The following STK40 variants were observed in gnomAD, a reference collection of about 807,000 sequenced individuals.
STK40 encodes serine/threonine kinase 40.
In STK40, 13 loss-of-function variants were observed where a neutral mutation model predicts 47.9. The observed-to-expected ratio is 0.27, with a 90% CI of 0.18 to 0.43. The LOEUF (loss-of-function observed/expected upper bound fraction) is 0.43. Among genes scored for constraint, STK40 ranks in the 20% least tolerant of loss-of-function variants. The pLI is 1.00. For synonymous variants in STK40, 225 were observed against 243.2 expected, an observed-to-expected ratio of 0.93 and a Z score of 0.69; for missense variants, 460 against 595.1, an observed-to-expected ratio of 0.77 and a Z score of 2.36.
chr1:36,361,471 C>T, intron 1 of STK40, 131 bp from the exon 2 acceptor site: 1 of 1,471,100 alleles, frequency 6.8e-7, no homozygotes, highest in Non-Finnish European at 9.0e-7. Context: ...CTCCTGCTAC[C>T]AGGGGAGCAT....
rs754172776 is a variant in STK40 at position 36,341,986 on chromosome 1, G to A, written c.1090-13C>T. 7 of 1,606,038 alleles carry A rather than the reference G, an allele frequency of 4.4e-6. No homozygotes were observed. The highest frequency in any genetic ancestry group is 4.0e-5 in the African/African-American group (3 of 74,780). ...CCGTCACCTTCGCCTTTGAGGCGGG[G>A]AGGGTGGGAAGGAGACAAAGATAAA... On this transcript the variant is annotated splice_polypyrimidine_tract_variant and intron_variant, in intron 10 of 10. Transcript: ENST00000373132.
In STK40 at chr1:36,346,215, C is replaced by T. The variant is rs189069141; in HGVS notation, c.740-1951G>A. Among the ~76,000 whole-genome samples, 709 of 151,652 alleles carry T rather than the reference C, an allele frequency of 4.7e-3. 7 individuals carry two copies. The highest frequency in any genetic ancestry group is 0.016 in the African/African-American group (676 of 41,314). On this transcript the variant is annotated intron_variant, in intron 7 of 10. Transcript: ENST00000373132. Reference sequence around the variant, plus strand: ...TTCACTGAGTTAACGAGGATGGTCTCGATCTCCTGACCTCGTGATTTGCCC... The same window carrying T: ...TTCACTGAGTTAACGAGGATGGTCTTGATCTCCTGACCTCGTGATTTGCCC...
At chr1:36,352,465 G>A (rs10796882) in intron 6 of STK40, among the ~76,000 whole-genome samples, 100,821 of 151,870 alleles carry the variant, frequency 0.66, 34,303 homozygotes, top group Middle Eastern at 0.79. Context: ...AATTCAATCA[G>A]TAAGTACCCA....
chr1:36,375,227 C>A (rs1646981172), intron 1 of STK40, among the ~76,000 whole-genome samples: 1 of 152,142 alleles, frequency 6.6e-6, no homozygotes, highest in South Asian at 2.1e-4. Flanking sequence ...CGTTTCCTGG[C>A]CAGGTGTGAT....
intron 7 of STK40, among the ~76,000 whole-genome samples, chr1:36,347,106 C>G (rs992893856): frequency 6.6e-6 from 1 of 152,144 alleles, no homozygotes; most frequent in Non-Finnish European, 1.5e-5. Context: ...GGGGACAGGC[C>G]TGGCTCTCCA....
At chr1:36,347,468 C>A (rs1240065349) in intron 7 of STK40, among the ~76,000 whole-genome samples, 2 of 152,168 alleles carry the variant, frequency 1.3e-5, no homozygotes, top group Non-Finnish European at 1.5e-5. Flanking sequence ...TTATTAGCTA[C>A]GACTTTGGAC....
In STK40 at chr1:36,385,902, C is replaced by T. The variant is rs557673569; in HGVS notation, c.-188G>A. The T allele has an allele frequency of 2.5e-3, 408 of 165,098 alleles. 4 individuals are homozygous for T. Among genetic ancestry groups the T allele is most frequent in the African/African-American group, 9.0e-3 (376 of 41,634 alleles). 10.2% of individuals were successfully genotyped at this position (165,098 alleles called of 1,614,324 possible). A position where few individuals can be genotyped will look rare whatever the true frequency, so the allele number is the denominator to read the frequency against. On this transcript the variant is annotated 5_prime_UTR_variant, in exon 1 of 11. Transcript: ENST00000373132. ...CCGCCGCCTCCCTCCATGGCTGCGG[C>T]GCCGCCACCTGACAACGGAAGTGAC...
At chr1:36,372,345 G>A (rs1646955223) in intron 1 of STK40, among the ~76,000 whole-genome samples, 1 of 147,666 alleles carries the variant, frequency 6.8e-6, no homozygotes, top group Non-Finnish European at 1.5e-5. Flanking sequence ...TTGGAGGACT[G>A]CTTGAGCGCA....
rs566637424 is a variant in STK40 at position 36,368,817 on chromosome 1, AGTATT to A, written c.-8-7482_-8-7478del. Among the ~76,000 whole-genome samples, 5 of 152,380 alleles carry A rather than the reference AGTATT, an allele frequency of 3.3e-5. No homozygotes were observed. In the South Asian group the frequency reaches 1.0e-3, roughly 32 times the overall value. Reference sequence around the variant, plus strand: ...GAATATAGACTGTTTATTAGATAATAGTATTGTATCAGTTAAATTTCCTGAACTTG... The same window carrying A: ...GAATATAGACTGTTTATTAGATAATAGTATCAGTTAAATTTCCTGAACTTG... On this transcript the variant is annotated intron_variant, in intron 1 of 10. Coordinates refer to ENST00000373132, the MANE Select transcript of STK40 (RefSeq NM_001282547.2).
chr1:36,360,517 T>C (rs573509360), intron 2 of STK40, among the ~76,000 whole-genome samples: 1 of 143,844 alleles, frequency 7.0e-6, no homozygotes, highest in Non-Finnish European at 1.5e-5. Flanking sequence ...TTCATTTTAT[T>C]TTATTTTATT....
chr1:36,377,872 C>CACCTAACCTCA (rs1647005256), intron 1 of STK40, among the ~76,000 whole-genome samples: 1 of 152,176 alleles, frequency 6.6e-6, no homozygotes, highest in African/African-American at 2.4e-5. Flanking sequence ...CTGGAGCTGG[C>CACCTAACCTCA]CCCTGGGTCC....
intron 7 of STK40, among the ~76,000 whole-genome samples, chr1:36,346,645 C>A (rs1316178031): frequency 1.3e-5 from 2 of 152,258 alleles, no homozygotes; most frequent in African/African-American, 4.8e-5. Context: ...GAACCCAGGT[C>A]TCTGGTCTCC....
intron 1 of STK40, among the ~76,000 whole-genome samples, chr1:36,368,562 AT>A (rs1036982034): frequency 4.6e-5 from 7 of 151,576 alleles, no homozygotes; most frequent in South Asian, 2.1e-4. Context: ...TACTCATGCT[AT>A]TTTTTTTTCC....
In STK40 at chr1:36,344,088, GC is replaced by G. The variant is rs749090195; in HGVS notation, c.884+31del. On this transcript the variant is annotated intron_variant, in intron 8 of 10. Coordinates refer to ENST00000373132, the MANE Select transcript of STK40 (RefSeq NM_001282547.2). ...CTGCCTTAAGCCCATCAGGCTGGCTGCCCCCCCCACCCCCCGGGAGGCAGGA... is the reference window on the plus strand; with the variant it reads ...CTGCCTTAAGCCCATCAGGCTGGCTGCCCCCCCACCCCCCGGGAGGCAGGA... The G allele has an allele frequency of 1.1e-4, 180 of 1,575,792 alleles. No individual in the cohort carries two copies. The East Asian group carries it at 1.5e-3, about 13-fold the overall frequency.
intron 3 of STK40, 46 bp downstream of exon 3, chr1:36,358,691 G>T: frequency 6.3e-7 from 1 of 1,598,924 alleles, no homozygotes; most frequent in Non-Finnish European, 8.6e-7. Context: ...GGGTTGGCAT[G>T]ACAGGCCCTG....
At chr1:36,357,152 C>T (rs1015139537) in intron 4 of STK40, among the ~76,000 whole-genome samples, 1 of 152,202 alleles carries the variant, frequency 6.6e-6, no homozygotes, top group East Asian at 1.9e-4. Flanking sequence ...TCTCATTCAT[C>T]GTCCCAACCA....
intron 1 of STK40, chr1:36,362,582 T>C (rs1646862508): frequency 6.6e-6 from 1 of 152,208 alleles, no homozygotes; most frequent in African/African-American, 2.4e-5. Flanking sequence ...CCTTTACCCT[T>C]CCATAATGGA....
Position 36,381,933 on chromosome 1 carries a change from G to A in STK40, c.-9+3790C>T, listed in dbSNP as rs147766197. On this transcript the variant is annotated intron_variant, in intron 1 of 10. Transcript: ENST00000373132. Reference sequence around the variant, plus strand: ...AACTGTGCACATGTTAACTGGTTAGGAGCCTGCCCCTAGATCACAACCTCC... The same window carrying A: ...AACTGTGCACATGTTAACTGGTTAGAAGCCTGCCCCTAGATCACAACCTCC... 2.0e-3 allele frequency among the ~76,000 whole-genome samples: 301 copies of A among 152,128 alleles called. 1 individual carries two copies. The highest frequency in any genetic ancestry group is 3.7e-3 in the Admixed American group (56 of 15,292).
chr1:36,362,753 T>C (rs1646863742), intron 1 of STK40: 1 of 152,248 alleles, frequency 6.6e-6, no homozygotes, highest in African/African-American at 2.4e-5. Flanking sequence ...CATTCAAGCA[T>C]GTTTTTCCTG....
Sources: allele counts gnomAD v4.1 joint callset (sites outside exome capture counted in the v4.1 genomes callset), GRCh38; gene constraint gnomAD v4.1.1; transcripts MANE v1.5; gene names NCBI Gene and HGNC (gene_info 2026-07-23, HGNC 2026-07-21).